Variants in PCDH15 observed in about 807,000 individuals in gnomAD.
The protein encoded by PCDH15 is protocadherin-15.
In PCDH15, 129 loss-of-function variants were observed where a neutral mutation model predicts 178.5. The observed-to-expected ratio is 0.72, with a 90% CI of 0.63 to 0.84. The LOEUF is 0.84. PCDH15 is among the 40% of genes least tolerant of loss of function. The probability of loss-of-function intolerance (pLI) is 0.00; values close to 1 mark genes in which losing one functional copy is unlikely to be tolerated. For synonymous variants in PCDH15, 800 were observed against 732.0 expected, an observed-to-expected ratio of 1.09 and a Z score of -1.50; for missense variants, 2,230 against 2,099.9, an observed-to-expected ratio of 1.06 and a Z score of -1.21.
intron 23 of PCDH15, among the ~76,000 whole-genome samples, chr10:53,955,320 C>T (rs1404846044): frequency 6.6e-6 from 1 of 152,116 alleles, no homozygotes; most frequent in East Asian, 1.9e-4. Context: ...TTGGTGGTTT[C>T]CTATTACAGT....
intron 9 of PCDH15, among the ~76,000 whole-genome samples, chr10:54,233,791 AT>A (rs1273303216): frequency 6.6e-6 from 1 of 152,182 alleles, no homozygotes. Flanking sequence ...TCCCAGAAAT[AT>A]GTTAAACTTT....
chr10:55,529,715 A>G (rs575578740), intron 2 of PCDH15, among the ~76,000 whole-genome samples: 16 of 133,388 alleles, frequency 1.2e-4, no homozygotes, highest in East Asian at 4.6e-4. Flanking sequence ...ATATGTGTGT[A>G]TATATATATA....
At chr10:55,167,103 T>C (rs1307152077) in intron 1 of PCDH15, among the ~76,000 whole-genome samples, 2 of 152,076 alleles carry the variant, frequency 1.3e-5, no homozygotes, top group Non-Finnish European at 1.5e-5. Context: ...TACTTTTGAT[T>C]CCTTAGCATT....
chr10:54,535,709 C>CAAAAAAAAA (rs71010382), intron 2 of PCDH15, among the ~76,000 whole-genome samples: 1 of 42,614 alleles, frequency 2.3e-5, no homozygotes, highest in Admixed American at 3.7e-4. Flanking sequence ...GACTCCACCT[C>CAAAAAAAAA]AAAAAAAAAA....
intron 27 of PCDH15, among the ~76,000 whole-genome samples, chr10:53,859,263 T>C (rs11003888): frequency 0.028 from 4,220 of 152,236 alleles, 123 homozygotes; most frequent in East Asian, 0.14. Context: ...GTGGGACTAG[T>C]GCTGAAGCAC....
intron 3 of PCDH15, among the ~76,000 whole-genome samples, chr10:54,886,271 G>T (rs959132756): frequency 6.6e-6 from 1 of 152,030 alleles, no homozygotes; most frequent in Non-Finnish European, 1.5e-5. Flanking sequence ...TTTTAAAAAC[G>T]AATTTTCCAC....
At chr10:55,351,957 CT>C (rs1300638117) in intron 2 of PCDH15, among the ~76,000 whole-genome samples, 3 of 152,072 alleles carry the variant, frequency 2.0e-5, no homozygotes, top group African/African-American at 7.2e-5. Flanking sequence ...TTGAGAGGCT[CT>C]TATGTGCCAC....
At chr10:54,113,390 T>G (rs184585695) in intron 15 of PCDH15, among the ~76,000 whole-genome samples, 9 of 152,292 alleles carry the variant, frequency 5.9e-5, no homozygotes, top group African/African-American at 2.2e-4. Flanking sequence ...CATCATTCTC[T>G]GAGGCAGCAA....
At chr10:55,423,720 A>G (rs1226499994) in intron 2 of PCDH15, among the ~76,000 whole-genome samples, 2 of 152,044 alleles carry the variant, frequency 1.3e-5, no homozygotes, top group Non-Finnish European at 2.9e-5. Context: ...TAAATACGCA[A>G]CATACCTTGA....
At chr10:54,364,606 T>C (rs1324793256) in intron 5 of PCDH15, among the ~76,000 whole-genome samples, 2 of 152,172 alleles carry the variant, frequency 1.3e-5, no homozygotes, top group Admixed American at 6.6e-5. Flanking sequence ...ATCTTATGTT[T>C]CCTTGCTTTT....
At chr10:54,957,925 G>A (rs867890949) in intron 2 of PCDH15, among the ~76,000 whole-genome samples, 53 of 151,640 alleles carry the variant, frequency 3.5e-4, no homozygotes, top group Middle Eastern at 3.4e-3. Context: ...ATAAATTTAC[G>A]AAAGCAAAAG....
intron 7 of PCDH15, among the ~76,000 whole-genome samples, chr10:54,320,183 A>G (rs2061511602): frequency 6.6e-6 from 1 of 152,130 alleles, no homozygotes; most frequent in African/African-American, 2.4e-5. Flanking sequence ...GCAGATACTT[A>G]TGAGAGTGAG....
intron 14 of PCDH15, among the ~76,000 whole-genome samples, chr10:54,146,572 T>C (rs1313156689): frequency 6.6e-6 from 1 of 151,828 alleles, no homozygotes; most frequent in Non-Finnish European, 1.5e-5. Context: ...ATTTCTTCTG[T>C]ATGCTTATCA....
chr10:54,497,224 A>T (rs1027883312), intron 3 of PCDH15, among the ~76,000 whole-genome samples: 3 of 150,248 alleles, frequency 2.0e-5, no homozygotes, highest in African/African-American at 7.4e-5. Context: ...CAATTGACTA[A>T]ACCCAATTTG....
chr10:55,009,380 T>G (rs1380549109), intron 2 of PCDH15, among the ~76,000 whole-genome samples: 1 of 152,028 alleles, frequency 6.6e-6, no homozygotes, highest in African/African-American at 2.4e-5. Context: ...TTAACAAGAC[T>G]AGATACTTTT....
At chr10:54,782,985 T>G (rs187597551) in intron 1 of PCDH15, among the ~76,000 whole-genome samples, 1 of 152,182 alleles carries the variant, frequency 6.6e-6, no homozygotes, top group East Asian at 1.9e-4. Context: ...AAAAAAAGTC[T>G]TTTCCTATAA....
chr10:54,422,394 A>G (rs367850101), intron 3 of PCDH15, among the ~76,000 whole-genome samples: 1 of 152,068 alleles, frequency 6.6e-6, no homozygotes, highest in African/African-American at 2.4e-5. Flanking sequence ...TTCCTAGAAT[A>G]GAGCATGACA....
At chr10:54,972,848 C>CAAAAA (rs750356955) in intron 2 of PCDH15, among the ~76,000 whole-genome samples, 22 of 53,460 alleles carry the variant, frequency 4.1e-4, no homozygotes, top group South Asian at 9.4e-4. Context: ...GACTCCATCT[C>CAAAAA]AAAAAAAAAA....
chr10:54,642,164 G>C (rs147181502), intron 2 of PCDH15, among the ~76,000 whole-genome samples: 1 of 152,004 alleles, frequency 6.6e-6, no homozygotes, highest in African/African-American at 2.4e-5. Flanking sequence ...AAGAGGCCCC[G>C]AGAGCTGTCT....
Sources: gnomAD v4.1 joint callset for allele counts (sites outside exome capture counted in the v4.1 genomes callset) on GRCh38, gnomAD v4.1.1 for gene constraint, MANE v1.5 for transcripts, NCBI Gene and HGNC (gene_info 2026-07-23, HGNC 2026-07-21) for gene names.